Variants in MGAM observed in about 807,000 individuals in gnomAD.
The protein encoded by MGAM is alpha-1,4-glucosidase.
MGAM carries 253 observed loss-of-function variants against 358.8 expected under a neutral mutation model. The observed-to-expected ratio is 0.71, with a 90% CI of 0.64 to 0.78. MGAM has a LOEUF of 0.78. Among genes scored for constraint, MGAM ranks in the 30% least tolerant of loss-of-function variants. The pLI is 0.00. For missense variants in MGAM, 3,080 were observed against 3,432.6 expected (o/e 0.90, Z 2.57); for synonymous variants, 1,105 against 1,227.1 (o/e 0.90, Z 2.08).
At chr7:142,033,577 G>A (rs1584952075) in intron 14 of MGAM, among the ~76,000 whole-genome samples, 2 of 152,152 alleles carry the variant, frequency 1.3e-5, no homozygotes, top group Non-Finnish European at 2.9e-5. Flanking sequence ...GGGCAGGAAG[G>A]TTAGAATCAA....
At chr7:142,023,967 C>T (rs1383686130) in intron 7 of MGAM, among the ~76,000 whole-genome samples, 2 of 152,142 alleles carry the variant, frequency 1.3e-5, no homozygotes, top group African/African-American at 4.8e-5. Flanking sequence ...GGAGCAGTGG[C>T]TCACGTCTGT....
Position 142,064,438 on chromosome 7 carries a change from A to G in MGAM, c.4400A>G (p.Gln1467Arg). 6.2e-7 allele frequency: 1 copy of G among 1,605,674 alleles called. No individual in the cohort carries two copies. ...LSSKTLCMES[Q>R]QILPDGSLVQ... ...AGCAAGACCCTTTGTATGGAGAGTC[A>G]GCAGATCCTCCCAGACGGCTCCCTG... Residue 1467 changes from glutamine to arginine, a missense_variant, in exon 37 of 71, where the codon CAG becomes CGG. Around this residue, in one of 5 missense-constraint regions of MGAM, gnomAD observed 1,816 missense variants for 1,840.5 expected, o/e 0.99. Coordinates refer to ENST00000475668, the MANE Select transcript of MGAM (RefSeq NM_001365693.1).
At position 142,045,209 on chromosome 7, in the gene MGAM, A is replaced by T. The variant is rs983083929; in HGVS notation, c.2499-2576A>T. On this transcript the variant is annotated intron_variant, in intron 21 of 70. Transcript: ENST00000475668. ...TATGATATATAATATATATTATATA[A>T]CATATATGTATATAATATATATTAT... 7.6e-3 allele frequency among the ~76,000 whole-genome samples: 62 copies of T among 8,180 alleles called. 2 individuals are homozygous for T. Among genetic ancestry groups the T allele is most frequent in the East Asian group, 0.063 (22 of 350 alleles). The allele number at this position is 8,180 out of a possible 152,430, so 5.4% of individuals were successfully genotyped here.
At position 142,068,363 on chromosome 7, in the gene MGAM, TAA is replaced by T; in HGVS notation, c.5005-283_5005-282del. On this transcript the variant is annotated intron_variant, in intron 42 of 70. Coordinates refer to ENST00000475668, the MANE Select transcript of MGAM (RefSeq NM_001365693.1). Reference sequence around the variant, plus strand: ...ACACAACCTCCCTTGTTTGTCTCTTTAAGAGTCAAAGGGGTAAGTCTATGTCT... The same window carrying T: ...ACACAACCTCCCTTGTTTGTCTCTTTGAGTCAAAGGGGTAAGTCTATGTCT... Among the ~76,000 whole-genome samples, 2 of 144,548 alleles carry T rather than the reference TAA, an allele frequency of 1.4e-5. 1 individual carries two copies. The highest frequency in any genetic ancestry group is 4.4e-4 in the South Asian group (2 of 4,512). The allele number at this position is 144,548 out of a possible 152,430, so 94.8% of individuals were successfully genotyped here. A position where few individuals can be genotyped will look rare whatever the true frequency, so the allele number is the denominator to read the frequency against.
In MGAM at chr7:142,037,913, CTT is replaced by C. The variant is rs369593456; in HGVS notation, c.2232-616_2232-615del. On this transcript the variant is annotated intron_variant, in intron 18 of 70. Coordinates refer to ENST00000475668, the MANE Select transcript of MGAM (RefSeq NM_001365693.1). Reference sequence around the variant, plus strand: ...GAGTTATAAAGAATCCAAGCACACTCTTTAAGTTACTTTTAAATGTACGATTA... The same window carrying C: ...GAGTTATAAAGAATCCAAGCACACTCTAAGTTACTTTTAAATGTACGATTA... Among the ~76,000 whole-genome samples, 42 of 152,286 alleles carry C rather than the reference CTT, an allele frequency of 2.8e-4. No homozygotes were observed. In the East Asian group the frequency reaches 5.8e-3, roughly 21 times the overall value.
chr7:142,093,625 T>G, intron 60 of MGAM, 75 bp downstream of exon 60: 1 of 1,366,350 alleles, frequency 7.3e-7, no homozygotes, highest in South Asian at 1.3e-5. Context: ...TACCCTACTT[T>G]TCTTTTCATT....
chr7:142,041,879 TATACG>T, intron 21 of MGAM, among the ~76,000 whole-genome samples: 1 of 84,244 alleles, frequency 1.2e-5, no homozygotes, highest in Non-Finnish European at 2.2e-5. Flanking sequence ...ATATTATATA[TATACG>T]TATAATATAT....
intron 30 of MGAM, 67 bp from the exon 31 acceptor site, chr7:142,058,136 T>C: frequency 1.2e-6 from 2 of 1,604,870 alleles, no homozygotes; most frequent in Non-Finnish European, 8.5e-7. Flanking sequence ...ATATTCTTAT[T>C]ACTTGATGTA....
chr7:142,036,998 T>C (rs4132774), intron 18 of MGAM, 21 bp downstream of exon 18: 373,180 of 1,600,462 alleles, frequency 0.23, 47,017 homozygotes, highest in African/African-American at 0.47. Context: ...CTAACCTCCT[T>C]AAATTTTATT....
chr7:142,033,863 G>T (rs932266193), intron 14 of MGAM, among the ~76,000 whole-genome samples: 2 of 152,112 alleles, frequency 1.3e-5, no homozygotes, highest in Non-Finnish European at 2.9e-5. Flanking sequence ...AGGAGAGACT[G>T]GAAATCATTC....
intron 2 of MGAM, among the ~76,000 whole-genome samples, chr7:141,989,538 C>T (rs1432455531): frequency 1.3e-5 from 2 of 150,952 alleles, no homozygotes; most frequent in African/African-American, 2.4e-5. Context: ...TTTGAAACTC[C>T]ATGTTCTTCT....
At chr7:142,006,501 C>A (rs1250408886) in intron 2 of MGAM, among the ~76,000 whole-genome samples, 1 of 152,134 alleles carries the variant, frequency 6.6e-6, no homozygotes, top group African/African-American at 2.4e-5. Context: ...TCCCAAAAAA[C>A]CGTTATGTGA....
chr7:142,025,212 C>A, intron 8 of MGAM, 63 bp downstream of exon 8: 1 of 1,264,066 alleles, frequency 7.9e-7, no homozygotes, highest in Non-Finnish European at 1.2e-6. Context: ...TCTTACAGCA[C>A]TATGATAAAA....
intron 4 of MGAM, 73 bp from the exon 5 acceptor site, chr7:142,020,901 A>G (rs1806387965): frequency 3.7e-6 from 4 of 1,091,308 alleles, no homozygotes; most frequent in Middle Eastern, 2.0e-4. Context: ...CCCGTGTATC[A>G]TAATTTTTAT....
At chr7:142,052,161 A>G (rs1338413695) in intron 24 of MGAM, 133 bp from the exon 25 acceptor site, 6 of 757,708 alleles carry the variant, frequency 7.9e-6, no homozygotes, top group Non-Finnish European at 1.2e-5. Flanking sequence ...CTTATAAGCT[A>G]AAGTCATATG....
At chr7:142,052,761 A>G in intron 25 of MGAM, 23 bp from the exon 26 acceptor site, 1 of 1,612,906 alleles carries the variant, frequency 6.2e-7, no homozygotes, top group African/African-American at 1.3e-5. Flanking sequence ...GTGCTGATCT[A>G]TGACTTTGGC....
chr7:142,078,544 G>A lies in MGAM; in HGVS notation c.5646+74G>A, dbSNP rs1335312730. The A allele has an allele frequency of 7.7e-5, 104 of 1,350,176 alleles. 13 individuals are homozygous for A. The highest frequency in any genetic ancestry group is 9.4e-5 in the Non-Finnish European group (93 of 994,006). 83.6% of individuals were successfully genotyped at this position (1,350,176 alleles called of 1,614,324 possible). A position where few individuals can be genotyped will look rare whatever the true frequency, so the allele number is the denominator to read the frequency against. On this transcript the variant is annotated intron_variant, in intron 48 of 70. Coordinates refer to ENST00000475668, the MANE Select transcript of MGAM (RefSeq NM_001365693.1). ...CTATAGTTTCTTAAGCATAGCAGTG[G>A]CACTTATATAACTACTTAAAATCCA...
At chr7:142,021,515 C>G in intron 5 of MGAM, 71 bp from the exon 6 acceptor site, 1 of 1,465,950 alleles carries the variant, frequency 6.8e-7, no homozygotes, top group Non-Finnish European at 9.3e-7. Flanking sequence ...TTCCAGTATC[C>G]TAAGTAGGGA....
In MGAM at chr7:142,066,325, T is replaced by C. The variant is rs895443713; in HGVS notation, c.4771-248T>C. ...ATTGTGCTTTAGATTATTATTTTTT[T>C]CCTGTATTTCAGGCAGAATTTTACC... On this transcript the variant is annotated intron_variant, in intron 40 of 70. Transcript: ENST00000475668. Among the ~76,000 whole-genome samples the C allele has an allele frequency of 2.7e-5, 4 of 146,140 alleles. 1 individual carries two copies. Among genetic ancestry groups the C allele is most frequent in the African/African-American group, 4.9e-5 (2 of 41,124 alleles).
Sources: allele counts gnomAD v4.1 joint callset (sites outside exome capture counted in the v4.1 genomes callset), GRCh38; gene constraint gnomAD v4.1.1; regional missense constraint gnomAD v4.1.1; transcripts MANE v1.5; gene names NCBI Gene and HGNC (gene_info 2026-07-23, HGNC 2026-07-21).